FXR1: variants seen among roughly 807,000 people sequenced by gnomAD.
FXR1 encodes the protein RNA-binding protein FXR1.
In FXR1, 15 loss-of-function variants were observed where a neutral mutation model predicts 84.0. That is an observed-to-expected ratio of 0.18 (90% CI 0.12 to 0.27). The LOEUF is 0.27. FXR1 is among the 10% of genes least tolerant of loss of function. The pLI is 1.00. For missense variants in FXR1, 480 were observed against 774.4 expected, an observed-to-expected ratio of 0.62 and a Z score of 4.51; for synonymous variants, 245 against 250.7, an observed-to-expected ratio of 0.98 and a Z score of 0.21.
chr3:180,935,366 G>A (rs1720404235), intron 3 of FXR1, 135 bp downstream of exon 3: 1 of 582,338 alleles, frequency 1.7e-6, no homozygotes, highest in Admixed American at 3.1e-5. Context: ...GGTAATAGCT[G>A]TGTAATACAG....
intron 13 of FXR1, among the ~76,000 whole-genome samples, chr3:180,965,101 C>T (rs1712652434): frequency 6.6e-6 from 1 of 152,048 alleles, no homozygotes; most frequent in African/African-American, 2.4e-5. Context: ...ACCGCAACCT[C>T]TCCCTCCTGG....
intron 3 of FXR1, among the ~76,000 whole-genome samples, chr3:180,940,665 C>T (rs982140313): frequency 1.3e-5 from 2 of 151,542 alleles, no homozygotes; most frequent in Non-Finnish European, 2.9e-5. Flanking sequence ...CAACCTCCGC[C>T]TCCTGGGTTC....
chr3:180,917,947 CAAAAAAA>C lies in FXR1; in HGVS notation c.51+5227_51+5233del, dbSNP rs757826092. On this transcript the variant is annotated intron_variant, in intron 1 of 16. Transcript: ENST00000357559. ...GGGTGACAGAGTGAGACTCTGTCTC[CAAAAAAA>C]AAAAAAAAAAAAAAAGTCAATTTAA... Among the ~76,000 whole-genome samples, 12 of 60,996 alleles carry C rather than the reference CAAAAAAA, an allele frequency of 2.0e-4. No individual in the cohort carries two copies. In the East Asian group the frequency reaches 2.9e-3, roughly 15 times the overall value. 40.0% of individuals were successfully genotyped at this position (60,996 alleles called of 152,430 possible).
intron 3 of FXR1, among the ~76,000 whole-genome samples, 194 bp from the exon 4 acceptor site, chr3:180,947,671 A>G (rs748508938): frequency 6.6e-6 from 1 of 152,224 alleles, no homozygotes; most frequent in African/African-American, 2.4e-5. Context: ...AAATTGCCCA[A>G]AAAAGTAGTT....
intron 2 of FXR1, among the ~76,000 whole-genome samples, 166 bp from the exon 3 acceptor site, chr3:180,934,971 TC>T (rs889683981): frequency 3.3e-5 from 5 of 152,172 alleles, no homozygotes; most frequent in Admixed American, 1.3e-4. Context: ...TCATACAAAA[TC>T]TGTTCTACTT....
intron 11 of FXR1, among the ~76,000 whole-genome samples, 164 bp from the exon 12 acceptor site, chr3:180,962,719 A>G (rs1712278103): frequency 6.6e-6 from 1 of 152,248 alleles, no homozygotes; most frequent in African/African-American, 2.4e-5. Context: ...TTGAACAGAA[A>G]CAGCAAATGA....
chr3:180,945,300 C>T (rs1721582252), intron 3 of FXR1, among the ~76,000 whole-genome samples: 1 of 152,208 alleles, frequency 6.6e-6, no homozygotes, highest in African/African-American at 2.4e-5. Flanking sequence ...CATTATCTTT[C>T]TTTTTCGAGT....
chr3:180,957,784 T>C (rs750952239), intron 9 of FXR1, 35 bp from the exon 10 acceptor site: 3 of 966,496 alleles, frequency 3.1e-6, no homozygotes, highest in African/African-American at 1.6e-5. Flanking sequence ...AATTGAGTTT[T>C]AGCTTACCAT....
At chr3:180,955,140 G>A (rs1210642704) in intron 9 of FXR1, among the ~76,000 whole-genome samples, 1 of 151,652 alleles carries the variant, frequency 6.6e-6, no homozygotes, top group East Asian at 1.9e-4. Context: ...GACTACAGGC[G>A]CCTGCCACCA....
At chr3:180,939,458 C>G (rs1720889282) in intron 3 of FXR1, among the ~76,000 whole-genome samples, 1 of 152,078 alleles carries the variant, frequency 6.6e-6, no homozygotes, top group South Asian at 2.1e-4. Context: ...ATAAAGGATA[C>G]AAGTCAGGAA....
At chr3:180,959,745 C>T (rs1282138465) in intron 10 of FXR1, among the ~76,000 whole-genome samples, 4 of 151,162 alleles carry the variant, frequency 2.6e-5, no homozygotes, top group Non-Finnish European at 4.4e-5. Flanking sequence ...TAAGGAGTTT[C>T]CCTTGTTTCA....
chr3:180,932,080 A>AAAAAAAAC (rs1553842570), intron 1 of FXR1, among the ~76,000 whole-genome samples: 5 of 147,620 alleles, frequency 3.4e-5, no homozygotes, highest in Middle Eastern at 3.4e-3. Context: ...AGTTTCAAAA[A>AAAAAAAAC]AAAAAAAAAA....
At chr3:180,965,316 G>A (rs1232696072) in intron 13 of FXR1, among the ~76,000 whole-genome samples, 2 of 151,972 alleles carry the variant, frequency 1.3e-5, no homozygotes, top group Non-Finnish European at 2.9e-5. Flanking sequence ...GCCTGGCCTA[G>A]TGTCATTACT....
At chr3:180,918,236 T>G (rs1262490774) in intron 1 of FXR1, among the ~76,000 whole-genome samples, 1 of 152,204 alleles carries the variant, frequency 6.6e-6, no homozygotes, top group Non-Finnish European at 1.5e-5. Context: ...AGATTATGTA[T>G]TAAGCTTCTA....
At chr3:180,932,091 C>T (rs199650333) in intron 1 of FXR1, among the ~76,000 whole-genome samples, 1 of 33,084 alleles carries the variant, frequency 3.0e-5, no homozygotes, top group Non-Finnish European at 7.0e-5. Context: ...AAAAAAAAAA[C>T]AACTTTTTTG....
chr3:180,966,301 GT>G lies in FXR1; in HGVS notation c.1199-1745del, dbSNP rs1285564950. On this transcript the variant is annotated intron_variant, in intron 13 of 16. Coordinates refer to ENST00000357559, the MANE Select transcript of FXR1 (RefSeq NM_005087.4). ...TACACATCCAACTAATTACCTAATT[GT>G]TTTTATAATTGACTAGTTACATCTA... Among the ~76,000 whole-genome samples, 4 of 152,120 alleles carry G rather than the reference GT, an allele frequency of 2.6e-5. No individual in the cohort carries two copies. In the South Asian group the frequency reaches 8.3e-4, roughly 32 times the overall value.
intron 16 of FXR1, among the ~76,000 whole-genome samples, chr3:180,975,740 A>G (rs765336092): frequency 6.6e-6 from 1 of 152,186 alleles, no homozygotes; most frequent in South Asian, 2.1e-4. Context: ...GTTCTTTTAA[A>G]TGCTTTACAG....
At chr3:180,943,804 TAA>T (rs540690186) in intron 3 of FXR1, among the ~76,000 whole-genome samples, 1 of 152,220 alleles carries the variant, frequency 6.6e-6, no homozygotes, top group South Asian at 2.1e-4. Context: ...TAGGTAGTTT[TAA>T]GACATAACAT....
In FXR1 at chr3:180,951,279, A is replaced by G. The variant is rs200414784; in HGVS notation, c.631-19A>G. 700 of 1,489,004 alleles carry G rather than the reference A, an allele frequency of 4.7e-4. No homozygotes were observed. The highest frequency in any genetic ancestry group is 6.1e-4 in the Non-Finnish European group (657 of 1,077,596). 92.2% of individuals were successfully genotyped at this position (1,489,004 alleles called of 1,614,324 possible). On this transcript the variant is annotated intron_variant, in intron 7 of 16. Coordinates refer to ENST00000357559, the MANE Select transcript of FXR1 (RefSeq NM_005087.4). ...TTGTATTTTGATCTTTTATATTACT[A>G]ATTTTCCTTTTTTATTAGTGCACAA...
Sources: gnomAD v4.1 joint callset for allele counts (sites outside exome capture counted in the v4.1 genomes callset) on GRCh38, gnomAD v4.1.1 for gene constraint, MANE v1.5 for transcripts, NCBI Gene and HGNC (gene_info 2026-07-23, HGNC 2026-07-21) for gene names.